ELP4: variants seen among roughly 807,000 people sequenced by gnomAD.
ELP4 encodes the protein elongator acetyltransferase complex subunit 4, also known as elongator complex protein 4.
In ELP4, 51 loss-of-function variants were observed where a neutral mutation model predicts 48.9. The ratio of observed to expected loss-of-function variants is 1.04; its 90% confidence interval spans 0.83 to 1.32. The LOEUF (loss-of-function observed/expected upper bound fraction) is 1.32. Among genes scored for constraint, ELP4 ranks in the 40% most tolerant of loss-of-function variants. The pLI, the probability that ELP4 is intolerant of heterozygous loss-of-function variation, is 0.00. For missense variants in ELP4, 519 were observed against 514.6 expected (o/e 1.01, Z -0.08); for synonymous variants, 210 against 189.2 (o/e 1.11, Z -0.90).
Position 31,784,609 on chromosome 11 carries a change from T to C in ELP4, c.*1085T>C, listed in dbSNP as rs1948463062. The C allele has an allele frequency of 6.5e-6, 1 of 153,146 alleles. No individual in the cohort carries two copies. The highest frequency in any genetic ancestry group is 2.4e-5 in the African/African-American group (1 of 41,490). The allele number at this position is 153,146 out of a possible 1,614,324, so 9.5% of individuals were successfully genotyped here. On this transcript the variant is annotated 3_prime_UTR_variant, in exon 10 of 10. Transcript: ENST00000640961. ...TGAATTTCCAAAATACATTTTCAAA[T>C]GTATTTAATATTTTGAAGCAGTTAT...
intron 7 of ELP4, chr11:31,647,489 T>C (rs1212779978): frequency 3.3e-6 from 1 of 304,708 alleles, no homozygotes; most frequent in Non-Finnish European, 6.1e-6. Flanking sequence ...AATAAATTTA[T>C]GTCTTCTACC....
intron 9 of ELP4, among the ~76,000 whole-genome samples, chr11:31,750,391 A>G (rs1015242894): frequency 6.6e-6 from 1 of 152,004 alleles, no homozygotes; most frequent in African/African-American, 2.4e-5. Context: ...GCTTTCAGGA[A>G]AAGTAACTAC....
intron 9 of ELP4, chr11:31,650,697 A>G (rs1471212564): frequency 6.6e-6 from 1 of 151,994 alleles, no homozygotes; most frequent in Non-Finnish European, 1.5e-5. Context: ...AGTGTCTTTA[A>G]GTACATTTTC....
chr11:31,787,629 C>A lies in ELP4; in HGVS notation c.*4105C>A, dbSNP rs73477656. The A allele has an allele frequency of 4.3e-6, 1 of 231,922 alleles. No individual in the cohort carries two copies. The highest frequency in any genetic ancestry group is 8.5e-6 in the Non-Finnish European group (1 of 117,334). The allele number at this position is 231,922 out of a possible 1,614,324, so 14.4% of individuals were successfully genotyped here. ...TGTACCAACAGTGCGTATGTGTGCT[C>A]ACTCCCCTGCAGAAATGTGCTGCTG... On this transcript the variant is annotated 3_prime_UTR_variant, in exon 10 of 10. Coordinates refer to ENST00000640961, the MANE Select transcript of ELP4 (RefSeq NM_019040.5).
At position 31,585,069 on chromosome 11, in the gene ELP4, C is replaced by G. The variant is rs116894052; in HGVS notation, c.382-9701C>G. On this transcript the variant is annotated intron_variant, in intron 3 of 9. Transcript: ENST00000640961. ...AACAGATATGGATCATAGGTCTCTCCTACATTATGAAACAAAAAATAATTT... is the reference window on the plus strand; with the variant it reads ...AACAGATATGGATCATAGGTCTCTCGTACATTATGAAACAAAAAATAATTT... Among the ~76,000 whole-genome samples the G allele has an allele frequency of 7.4e-3, 1,132 of 152,020 alleles. 7 individuals carry two copies. The highest frequency in any genetic ancestry group is 0.012 in the Non-Finnish European group (807 of 67,964).
intron 4 of ELP4, chr11:31,600,341 A>AT (rs1283580014): frequency 6.6e-6 from 1 of 152,014 alleles, no homozygotes; most frequent in African/African-American, 2.4e-5. Context: ...CTGAGACTTA[A>AT]TTTTCTCAGT....
chr11:31,685,639 A>T (rs945614635), intron 9 of ELP4, among the ~76,000 whole-genome samples: 2 of 152,152 alleles, frequency 1.3e-5, no homozygotes, highest in African/African-American at 4.8e-5. Flanking sequence ...AGTTTATTTT[A>T]AAAATATTTC....
At chr11:31,542,556 T>G (rs1956610053) in intron 3 of ELP4, among the ~76,000 whole-genome samples, 1 of 152,184 alleles carries the variant, frequency 6.6e-6, no homozygotes. Flanking sequence ...GGTGGAGTAT[T>G]TAGAAGAGTT....
intron 7 of ELP4, chr11:31,646,981 A>G (rs909862526): frequency 6.6e-6 from 1 of 151,788 alleles, no homozygotes; most frequent in African/African-American, 2.4e-5. Flanking sequence ...TACTATGTTT[A>G]TAAACATATT....
chr11:31,784,138 A>T lies in ELP4; in HGVS notation c.*614A>T, dbSNP rs1302300213. 6.6e-6 allele frequency: 1 copy of T among 152,130 alleles called. No homozygotes were observed. Among genetic ancestry groups the T allele is most frequent in the East Asian group, 1.9e-4 (1 of 5,200 alleles). The allele number at this position is 152,130 out of a possible 1,614,324, so 9.4% of individuals were successfully genotyped here. A position where few individuals can be genotyped will look rare whatever the true frequency, so the allele number is the denominator to read the frequency against. ...TAGAAAAAAGAAGTGGATGGTCTTT[A>T]GTTTAGTAATCCTAAACAATTGAAG... On this transcript the variant is annotated 3_prime_UTR_variant, in exon 10 of 10. Transcript: ENST00000640961.
At chr11:31,556,775 A>G (rs954793693) in intron 3 of ELP4, among the ~76,000 whole-genome samples, 4 of 151,942 alleles carry the variant, frequency 2.6e-5, no homozygotes, top group African/African-American at 9.6e-5. Flanking sequence ...AGCATCAGCT[A>G]CAATAAAAAG....
At chr11:31,559,905 T>TAA (rs11399608) in intron 3 of ELP4, among the ~76,000 whole-genome samples, 5,780 of 131,344 alleles carry the variant, frequency 0.044, 185 homozygotes, top group Non-Finnish European at 0.063. Context: ...AAACTCCGTC[T>TAA]AAAAAAAAAA....
At chr11:31,719,145 G>C (rs1027923219) in intron 9 of ELP4, among the ~76,000 whole-genome samples, 48 of 151,908 alleles carry the variant, frequency 3.2e-4, no homozygotes, top group African/African-American at 1.2e-3. Flanking sequence ...TGTGGTCTCA[G>C]CTACTCTGAG....
intron 2 of ELP4, among the ~76,000 whole-genome samples, chr11:31,529,295 G>A (rs912136586): frequency 5.9e-5 from 9 of 152,048 alleles, no homozygotes; most frequent in Admixed American, 4.6e-4. Context: ...AGAAGACAAG[G>A]TCTTAAGTTT....
chr11:31,739,833 G>A (rs576823685), intron 9 of ELP4, among the ~76,000 whole-genome samples: 2 of 152,194 alleles, frequency 1.3e-5, no homozygotes, highest in South Asian at 4.1e-4. Context: ...TTCCATTACT[G>A]GCATCAACCT....
intron 9 of ELP4, among the ~76,000 whole-genome samples, chr11:31,742,049 A>G (rs1445249693): frequency 6.6e-6 from 1 of 152,210 alleles, no homozygotes; most frequent in East Asian, 1.9e-4. Flanking sequence ...AAAAGTCCTT[A>G]AATCACCTGA....
intron 9 of ELP4, among the ~76,000 whole-genome samples, chr11:31,680,310 AG>A (rs2134121294): frequency 6.6e-6 from 1 of 152,338 alleles, no homozygotes; most frequent in African/African-American, 2.4e-5. Context: ...ATTATACAGA[AG>A]GAATTGAGTT....
intron 3 of ELP4, among the ~76,000 whole-genome samples, chr11:31,580,230 A>G (rs1450893977): frequency 6.6e-6 from 1 of 152,146 alleles, no homozygotes; most frequent in Non-Finnish European, 1.5e-5. Flanking sequence ...TTCCAGTCTG[A>G]TTGGTTTTAG....
chr11:31,786,173 CTACTT>C lies in ELP4; in HGVS notation c.*2652_*2656del, dbSNP rs950674217. ...AATACTAACAGTAGACAAAATAAAA[CTACTT>C]TAGAAGGAAGCGACACTCTGCAATC... On this transcript the variant is annotated 3_prime_UTR_variant, in exon 10 of 10. Coordinates refer to ENST00000640961, the MANE Select transcript of ELP4 (RefSeq NM_019040.5). 1.2e-4 allele frequency: 25 copies of C among 203,750 alleles called. No individual in the cohort carries two copies. The highest frequency in any genetic ancestry group is 6.0e-4 in the Admixed American group (10 of 16,742). The allele number at this position is 203,750 out of a possible 1,614,324, so 12.6% of individuals were successfully genotyped here.
Sources: gnomAD v4.1 joint callset for allele counts (sites outside exome capture counted in the v4.1 genomes callset) on GRCh38, gnomAD v4.1.1 for gene constraint, MANE v1.5 for transcripts, NCBI Gene and HGNC (gene_info 2026-07-23, HGNC 2026-07-21) for gene names.